KSR1: variants seen among roughly 807,000 people sequenced by gnomAD.
KSR1 encodes the protein kinase suppressor of ras.
In KSR1, 35 loss-of-function variants were observed where a neutral mutation model predicts 92.9. That is an observed-to-expected ratio of 0.38 (90% CI 0.29 to 0.50). The LOEUF (loss-of-function observed/expected upper bound fraction) is 0.50, where lower values mean the gene tolerates loss of function less well. Ranked by LOEUF, KSR1 falls within the 20% of genes least tolerant of loss-of-function variation. The pLI is 0.94. For synonymous variants in KSR1, 467 were observed against 472.6 expected, an observed-to-expected ratio of 0.99 and a Z score of 0.15; for missense variants, 972 against 1,158.5, an observed-to-expected ratio of 0.84 and a Z score of 2.34.
chr17:27,581,307 C>T (rs1025188708), intron 3 of KSR1, among the ~76,000 whole-genome samples: 2 of 152,158 alleles, frequency 1.3e-5, no homozygotes, highest in Non-Finnish European at 2.9e-5. Context: ...CACCAGCCCC[C>T]ACCTCCAACA....
intron 1 of KSR1, among the ~76,000 whole-genome samples, chr17:27,543,714 TG>T (rs2071055225): frequency 6.6e-6 from 1 of 152,164 alleles, no homozygotes; most frequent in Non-Finnish European, 1.5e-5. Flanking sequence ...GATGTTCCTT[TG>T]GGCAAGTGGA....
At chr17:27,612,793 T>C (rs1481851183) in intron 18 of KSR1, 1 of 152,274 alleles carries the variant, frequency 6.6e-6, no homozygotes, top group Admixed American at 6.5e-5. Flanking sequence ...CAGGCTAAGA[T>C]ACAAACAGGC....
intron 3 of KSR1, among the ~76,000 whole-genome samples, chr17:27,582,234 A>T (rs964634639): frequency 1.3e-5 from 2 of 152,156 alleles, no homozygotes; most frequent in African/African-American, 4.8e-5. Flanking sequence ...AATGCTTAGA[A>T]CAAGAAGTGT....
At chr17:27,620,258 A>G (rs2074187407) in intron 19 of KSR1, among the ~76,000 whole-genome samples, 1 of 152,206 alleles carries the variant, frequency 6.6e-6, no homozygotes, top group African/African-American at 2.4e-5. Context: ...TCGTAGCCAT[A>G]GAGGTATACA....
intron 1 of KSR1, among the ~76,000 whole-genome samples, chr17:27,520,025 A>C (rs1423093423): frequency 1.3e-5 from 2 of 152,210 alleles, no homozygotes; most frequent in Non-Finnish European, 2.9e-5. Context: ...TGCTTTGCAG[A>C]TGGGAGAAGG....
chr17:27,481,355 G>C (rs1008430362), intron 1 of KSR1, among the ~76,000 whole-genome samples: 10 of 152,182 alleles, frequency 6.6e-5, no homozygotes, highest in African/African-American at 2.4e-4. Flanking sequence ...GAGGGAATTG[G>C]ACTGGCTGAT....
At chr17:27,615,739 G>A (rs2074037490) in intron 18 of KSR1, among the ~76,000 whole-genome samples, 1 of 152,076 alleles carries the variant, frequency 6.6e-6, no homozygotes, top group Non-Finnish European at 1.5e-5. Context: ...CTCATATCGT[G>A]CCCTCTCTTT....
rs751092460 is a variant in KSR1, at chr17:27,507,563, CTTTTTTTTTT to C, written c.232-42984_232-42975del. On this transcript the variant is annotated intron_variant, in intron 1 of 20. Transcript: ENST00000644974. Reference sequence around the variant, plus strand: ...GATCATTAAAATCTTTATTGTTTGGCTTTTTTTTTTTTTTTTTTTTTTTTTTTTTTGAGAC... The same window carrying C: ...GATCATTAAAATCTTTATTGTTTGGCTTTTTTTTTTTTTTTTTTTTGAGAC... Among the ~76,000 whole-genome samples the C allele has an allele frequency of 6.0e-3, 260 of 43,282 alleles. 1 individual carries two copies. The highest frequency in any genetic ancestry group is 0.023 in the Middle Eastern group (1 of 44). The allele number at this position is 43,282 out of a possible 152,430, so 28.4% of individuals were successfully genotyped here. A position where few individuals can be genotyped will look rare whatever the true frequency, so the allele number is the denominator to read the frequency against.
Position 27,482,435 on chromosome 17 carries a change from G to A in KSR1, c.231+25561G>A, listed in dbSNP as rs563640231. Among the ~76,000 whole-genome samples the A allele has an allele frequency of 1.1e-4, 16 of 152,136 alleles. 1 individual carries two copies. The highest frequency in any genetic ancestry group is 1.6e-4 in the Non-Finnish European group (11 of 68,018). On this transcript the variant is annotated intron_variant, in intron 1 of 20. Transcript: ENST00000644974. ...CAGGTGGGAACAACCCATTGTTTAC[G>A]TTTATAAGATGCTAGCTCAATAAAG...
chr17:27,590,873 G>T lies in KSR1; in HGVS notation c.1109G>T (p.Gly370Val). 1 of 1,611,922 alleles carries T rather than the reference G, an allele frequency of 6.2e-7. No homozygotes were observed. Among genetic ancestry groups the T allele is most frequent in the Non-Finnish European group, 8.5e-7 (1 of 1,179,192 alleles). ...GTGTGCCAGAAGAGCATGATATTTGGAGTGAAGTGCAAGCATTGCAGGTGA... is the reference window on the plus strand; with the variant it reads ...GTGTGCCAGAAGAGCATGATATTTGTAGTGAAGTGCAAGCATTGCAGGTGA... ...CHVCQKSMIF[G>V]VKCKHCRLKC... The change falls in exon 7 of 21, where the codon GGA (glycine) becomes GTA (valine). Residue 370 changes from glycine to valine, a missense_variant. By Grantham distance (109) the Gly-to-Val change is moderately radical. Coordinates refer to ENST00000644974, the MANE Select transcript of KSR1 (RefSeq NM_001394583.1).
chr17:27,572,028 G>A (rs901047275), intron 2 of KSR1, among the ~76,000 whole-genome samples: 1 of 152,232 alleles, frequency 6.6e-6, no homozygotes, highest in African/African-American at 2.4e-5. Context: ...GCTGCTGGGG[G>A]AGGGGGTAGC....
intron 1 of KSR1, among the ~76,000 whole-genome samples, chr17:27,500,071 T>A (rs1311754751): frequency 6.6e-6 from 1 of 152,224 alleles, no homozygotes; most frequent in Non-Finnish European, 1.5e-5. Context: ...TTCTGCGTTA[T>A]GGCATCACCT....
chr17:27,544,644 C>T (rs1256230185), intron 1 of KSR1, among the ~76,000 whole-genome samples: 1 of 152,236 alleles, frequency 6.6e-6, no homozygotes, highest in African/African-American at 2.4e-5. Flanking sequence ...CAGGGCCTCC[C>T]CTGTGGCCAG....
chr17:27,564,052 G>A (rs1304713420), intron 2 of KSR1, among the ~76,000 whole-genome samples: 8 of 122,746 alleles, frequency 6.5e-5, no homozygotes, highest in African/African-American at 1.8e-4. Flanking sequence ...GCAATGGCAC[G>A]ATCTCGGCTC....
chr17:27,577,988 TCTC>T lies in KSR1; in HGVS notation c.520+352_520+354del. On this transcript the variant is annotated intron_variant, in intron 3 of 20. Coordinates refer to ENST00000644974, the MANE Select transcript of KSR1 (RefSeq NM_001394583.1). This position sits in a 1 kb window ranked among gnomAD's most constrained non-coding sequence, Gnocchi z 4.5. ...CCAGCCCCCAGCCCTCTCCCCGTCT[TCTC>T]CTGTCCCCATTGCTGGCTGGGTTCT... is the stretch of plus-strand genomic sequence containing the variant. 1 of 400,292 alleles carries T rather than the reference TCTC, an allele frequency of 2.5e-6. No homozygotes were observed. Among genetic ancestry groups the T allele is most frequent in the Non-Finnish European group, 4.7e-6 (1 of 210,868 alleles). The allele number at this position is 400,292 out of a possible 1,614,324, so 24.8% of individuals were successfully genotyped here. A position where few individuals can be genotyped will look rare whatever the true frequency, so the allele number is the denominator to read the frequency against.
Position 27,603,776 on chromosome 17 carries a change from T to C in KSR1, c.1511-58T>C, listed in dbSNP as rs2073652301. On this transcript the variant is annotated intron_variant, in intron 11 of 20. Transcript: ENST00000644974. ...GGGGTGCTGGGTTTCAAGCACGGTG[T>C]CTCTTTGGGGAGAGGAAAGCAATCT... The C allele has an allele frequency of 8.9e-6, 14 of 1,573,348 alleles. No homozygotes were observed. In the South Asian group the frequency reaches 1.6e-4, roughly 17 times the overall value.
chr17:27,538,134 G>A (rs939981025), intron 1 of KSR1, among the ~76,000 whole-genome samples: 5 of 152,230 alleles, frequency 3.3e-5, no homozygotes, highest in African/African-American at 1.2e-4. Context: ...AAGCCAGCAG[G>A]AAGCCTCAGC....
rs531397036 is a variant in KSR1 at position 27,459,517 on chromosome 17, G to A, written c.231+2643G>A. 1.6e-4 allele frequency among the ~76,000 whole-genome samples: 25 copies of A among 152,382 alleles called. No homozygotes were observed. In the South Asian group the frequency reaches 5.2e-3, roughly 32 times the overall value. ...GTCCACCGCCAGCAGCATGTGTTGGGGCCAGGCAGGCAAGTGGCAGTGTCC... is the reference window on the plus strand; with the variant it reads ...GTCCACCGCCAGCAGCATGTGTTGGAGCCAGGCAGGCAAGTGGCAGTGTCC... On this transcript the variant is annotated intron_variant, in intron 1 of 20. Coordinates refer to ENST00000644974, the MANE Select transcript of KSR1 (RefSeq NM_001394583.1). This position sits in a 1 kb window ranked among gnomAD's most constrained non-coding sequence, Gnocchi z 4.6.
At chr17:27,493,436 T>C (rs1437732965) in intron 1 of KSR1, among the ~76,000 whole-genome samples, 1 of 152,192 alleles carries the variant, frequency 6.6e-6, no homozygotes, top group African/African-American at 2.4e-5. Flanking sequence ...GCAGATTTTT[T>C]AAGTCAGAGA....
Sources: gnomAD v4.1 joint callset for allele counts (sites outside exome capture counted in the v4.1 genomes callset) on GRCh38, gnomAD v4.1.1 for gene constraint, Gnocchi (gnomAD v3.1) non-coding constraint, MANE v1.5 for transcripts, NCBI Gene and HGNC (gene_info 2026-07-23, HGNC 2026-07-21) for gene names.